PEBP4: variants seen among roughly 807,000 people sequenced by gnomAD.
The protein encoded by PEBP4 is phosphatidylethanolamine binding protein 4.
A neutral mutation model predicts 23.9 loss-of-function variants in PEBP4; 22 were observed. That is an observed-to-expected ratio of 0.92 (90% CI 0.66 to 1.31). The LOEUF is 1.31. Ranked by LOEUF, PEBP4 falls within the 40% of genes most tolerant of loss-of-function variation. The probability of loss-of-function intolerance (pLI) is 0.00; values close to 1 mark genes in which losing one functional copy is unlikely to be tolerated. For synonymous variants in PEBP4, 112 were observed against 99.3 expected (o/e 1.13, Z -0.76); for missense variants, 324 against 281.7 (o/e 1.15, Z -1.07).
At position 22,876,029 on chromosome 8, in the gene PEBP4, C is replaced by T. The variant is rs545027965; in HGVS notation, c.258+44155G>A. Among the ~76,000 whole-genome samples, 21 of 127,534 alleles carry T rather than the reference C, an allele frequency of 1.6e-4. No homozygotes were observed. In the South Asian group the frequency reaches 4.6e-3, roughly 28 times the overall value. 83.7% of individuals were successfully genotyped at this position (127,534 alleles called of 152,430 possible). A position where few individuals can be genotyped will look rare whatever the true frequency, so the allele number is the denominator to read the frequency against. The stretch of plus-strand genomic sequence containing the variant: ...GGTTCAAGTGATTCTTGCACTTCAG[C>T]CACTGGAGTAAGCTGGGATTACAGG... On this transcript the variant is annotated intron_variant, in intron 3 of 6. Transcript: ENST00000256404.
At chr8:22,799,996 C>T (rs994748419) in intron 4 of PEBP4, among the ~76,000 whole-genome samples, 3 of 152,198 alleles carry the variant, frequency 2.0e-5, no homozygotes, top group African/African-American at 4.8e-5. Flanking sequence ...AAATGTGGCA[C>T]ATATACACCA....
intron 4 of PEBP4, among the ~76,000 whole-genome samples, chr8:22,728,178 G>T (rs1427429223): frequency 1.3e-5 from 2 of 152,194 alleles, no homozygotes; most frequent in East Asian, 3.9e-4. Context: ...GGATGGGGGA[G>T]AGGTGGGAGG....
At chr8:22,818,197 G>T (rs1319553280) in intron 3 of PEBP4, among the ~76,000 whole-genome samples, 1 of 152,224 alleles carries the variant, frequency 6.6e-6, no homozygotes, top group Non-Finnish European at 1.5e-5. Flanking sequence ...CCTTCAACAA[G>T]CCTTTGCTGA....
intron 5 of PEBP4, among the ~76,000 whole-genome samples, chr8:22,726,842 G>A (rs1804630629): frequency 6.6e-6 from 1 of 152,130 alleles, no homozygotes; most frequent in East Asian, 1.9e-4. Flanking sequence ...TCCTGGGGCA[G>A]GGATCTGAGA....
intron 3 of PEBP4, among the ~76,000 whole-genome samples, chr8:22,899,760 T>A (rs1440024014): frequency 6.6e-6 from 1 of 152,178 alleles, no homozygotes; most frequent in East Asian, 1.9e-4. Flanking sequence ...AATCGCAGAA[T>A]TCGTGCATGC....
intron 6 of PEBP4, among the ~76,000 whole-genome samples, chr8:22,718,355 G>A (rs767176891): frequency 2.6e-5 from 4 of 152,234 alleles, no homozygotes; most frequent in Non-Finnish European, 5.9e-5. Context: ...AGCTTCCAGT[G>A]ATAAATTCCA....
chr8:22,862,058 A>C lies in PEBP4; in HGVS notation c.259-44323T>G, dbSNP rs139364491. On this transcript the variant is annotated intron_variant, in intron 3 of 6. Transcript: ENST00000256404. ...CCAACACAAAAGCGGCCGCTTGATC[A>C]GGAGTATTGATGGGGAGAAGAGAAA... Among the ~76,000 whole-genome samples the C allele has an allele frequency of 1.3e-3, 199 of 152,302 alleles. 2 individuals are homozygous for C. Among genetic ancestry groups the C allele is most frequent in the Admixed American group, 2.4e-3 (36 of 15,298 alleles).
At chr8:22,715,340 G>A (rs998465894) in intron 6 of PEBP4, among the ~76,000 whole-genome samples, 1 of 152,284 alleles carries the variant, frequency 6.6e-6, no homozygotes, top group South Asian at 2.1e-4. Flanking sequence ...TAGGAGCCCA[G>A]CTGGCTGGAA....
At chr8:22,827,819 A>C (rs1009405678) in intron 3 of PEBP4, among the ~76,000 whole-genome samples, 3 of 152,242 alleles carry the variant, frequency 2.0e-5, no homozygotes, top group Non-Finnish European at 4.4e-5. Context: ...ACTGTTTTTC[A>C]AAGTGGTTGC....
intron 3 of PEBP4, among the ~76,000 whole-genome samples, chr8:22,821,636 A>G (rs146164131): frequency 1.3e-5 from 2 of 152,264 alleles, no homozygotes; most frequent in Non-Finnish European, 2.9e-5. Context: ...GAGTGAAAAC[A>G]AAAGAAAGAG....
At chr8:22,729,535 T>G (rs1316649536) in intron 4 of PEBP4, among the ~76,000 whole-genome samples, 1 of 152,166 alleles carries the variant, frequency 6.6e-6, no homozygotes, top group Non-Finnish European at 1.5e-5. Flanking sequence ...GGAGCCTTGA[T>G]GGGGTGGGAA....
chr8:22,731,926 C>T (rs1317525308), intron 4 of PEBP4, among the ~76,000 whole-genome samples: 4 of 151,938 alleles, frequency 2.6e-5, no homozygotes, highest in Admixed American at 6.6e-5. Flanking sequence ...CCGCCCGCCT[C>T]GGCTTCCCAA....
chr8:22,819,888 G>A (rs1312791678), intron 3 of PEBP4, among the ~76,000 whole-genome samples: 1 of 152,166 alleles, frequency 6.6e-6, no homozygotes, highest in Non-Finnish European at 1.5e-5. Context: ...TTACAGGCGT[G>A]AGCCACCGCG....
At chr8:22,723,491 G>A (rs551150198) in intron 6 of PEBP4, among the ~76,000 whole-genome samples, 19 of 152,012 alleles carry the variant, frequency 1.2e-4, no homozygotes, top group East Asian at 1.9e-4. Flanking sequence ...TGGTGATCCC[G>A]GAGTCTCATG....
chr8:22,746,213 A>C (rs1345430004), intron 4 of PEBP4, among the ~76,000 whole-genome samples: 3 of 152,104 alleles, frequency 2.0e-5, no homozygotes, highest in Non-Finnish European at 4.4e-5. Context: ...CCCCAGGCCC[A>C]GTGGAACAGA....
rs561279882 is a variant in PEBP4 at position 22,874,773 on chromosome 8, T to A, written c.258+45411A>T. Among the ~76,000 whole-genome samples the A allele has an allele frequency of 6.6e-5, 10 of 152,320 alleles. No homozygotes were observed. The South Asian group carries it at 1.7e-3, about 25-fold the overall frequency. ...AATAACGCAGCGCTTCTGTTCTGCA[T>A]GAATAAATATGTATAAAATGTAATG... On this transcript the variant is annotated intron_variant, in intron 3 of 6. Transcript: ENST00000256404.
chr8:22,852,100 T>C (rs1563237386), intron 3 of PEBP4, among the ~76,000 whole-genome samples: 1 of 152,076 alleles, frequency 6.6e-6, no homozygotes, highest in Non-Finnish European at 1.5e-5. Context: ...TCCCAAGTGC[T>C]GGTGGGGAGG....
chr8:22,796,276 G>A (rs995245521), intron 4 of PEBP4, among the ~76,000 whole-genome samples: 1 of 152,096 alleles, frequency 6.6e-6, no homozygotes. Context: ...GTGTGTGTGT[G>A]TGTGTGTGTG....
rs1398166996 is a variant in PEBP4 at position 22,729,991 on chromosome 8, G to A, written c.358-2771C>T. Among the ~76,000 whole-genome samples, 6 of 152,134 alleles carry A rather than the reference G, an allele frequency of 3.9e-5. No homozygotes were observed. In the South Asian group the frequency reaches 1.2e-3, roughly 31 times the overall value. On this transcript the variant is annotated intron_variant, in intron 4 of 6. Coordinates refer to ENST00000256404, the MANE Select transcript of PEBP4 (RefSeq NM_144962.3). ...AGGTGAGAGAGTTGGGCTCCAGAGAGGGAAAATCCAGAATGTTCAAGGAGG... is the reference window on the plus strand; with the variant it reads ...AGGTGAGAGAGTTGGGCTCCAGAGAAGGAAAATCCAGAATGTTCAAGGAGG...
Sources: gnomAD v4.1 joint callset for allele counts (sites outside exome capture counted in the v4.1 genomes callset) on GRCh38, gnomAD v4.1.1 for gene constraint, MANE v1.5 for transcripts, NCBI Gene and HGNC (gene_info 2026-07-23, HGNC 2026-07-21) for gene names.